The following LAMA2 variants were observed in gnomAD, a reference collection of about 807,000 sequenced individuals.
The protein encoded by LAMA2 is laminin subunit alpha-2.
In LAMA2, 269 loss-of-function variants were observed where a neutral mutation model predicts 364.8. That is an observed-to-expected ratio of 0.74 (90% confidence interval 0.67 to 0.82). The LOEUF (loss-of-function observed/expected upper bound fraction) is 0.82, where lower values mean the gene tolerates loss of function less well. LAMA2 is among the 40% of genes least tolerant of loss of function. The pLI, the probability that LAMA2 is intolerant of heterozygous loss-of-function variation, is 0.00. For synonymous variants in LAMA2, 1,379 were observed against 1,370.6 expected, an observed-to-expected ratio of 1.01 and a Z score of -0.14; for missense variants, 3,807 against 3,873.2, an observed-to-expected ratio of 0.98 and a Z score of 0.45.
At chr6:129,122,293 G>A (rs915110746) in intron 4 of LAMA2, among the ~76,000 whole-genome samples, 1 of 152,070 alleles carries the variant, frequency 6.6e-6, no homozygotes, top group Non-Finnish European at 1.5e-5. Context: ...CTTATTCCTT[G>A]TATACCAAAT....
intron 16 of LAMA2, among the ~76,000 whole-genome samples, chr6:129,268,389 G>T: frequency 6.6e-6 from 1 of 151,928 alleles, no homozygotes; most frequent in East Asian, 1.9e-4. Flanking sequence ...ACATGCAGTA[G>T]GAAATAATAC....
intron 12 of LAMA2, among the ~76,000 whole-genome samples, chr6:129,203,446 A>G (rs571715093): frequency 6.6e-6 from 1 of 152,254 alleles, no homozygotes; most frequent in Admixed American, 6.5e-5. Flanking sequence ...TCAATTCTAA[A>G]CCTGGCATTT....
chr6:129,505,666 G>A (rs1003163140), intron 61 of LAMA2, among the ~76,000 whole-genome samples: 8 of 151,896 alleles, frequency 5.3e-5, no homozygotes, highest in East Asian at 1.9e-4. Flanking sequence ...CTACCACCAC[G>A]CCTGGCTAAT....
chr6:129,059,983 G>T (rs1466639112), intron 3 of LAMA2, 87 bp downstream of exon 3: 1 of 767,148 alleles, frequency 1.3e-6, no homozygotes, highest in East Asian at 2.7e-5. Flanking sequence ...GTGGGTGAAA[G>T]GATACTCTTT....
intron 4 of LAMA2, among the ~76,000 whole-genome samples, chr6:129,135,142 A>G (rs1777709409): frequency 6.6e-6 from 1 of 152,232 alleles, no homozygotes; most frequent in African/African-American, 2.4e-5. Context: ...AGATCTGCAG[A>G]AAATCAAACA....
chr6:128,952,549 T>A (rs947260009), intron 1 of LAMA2, among the ~76,000 whole-genome samples: 3 of 152,154 alleles, frequency 2.0e-5, no homozygotes, highest in Non-Finnish European at 4.4e-5. Context: ...AAAGCTTGAT[T>A]GTTCAGAAAG....
chr6:129,391,459 C>G (rs1779314469), intron 35 of LAMA2, 32 bp from the exon 36 acceptor site: 5 of 1,571,138 alleles, frequency 3.2e-6, no homozygotes, highest in Non-Finnish European at 4.4e-6. Context: ...TGTTTGTTTA[C>G]TAATTTACAA....
At chr6:129,249,083 C>T (rs1785980206) in intron 12 of LAMA2, among the ~76,000 whole-genome samples, 1 of 152,150 alleles carries the variant, frequency 6.6e-6, no homozygotes, top group South Asian at 2.1e-4. Context: ...ATGTGCCATT[C>T]TCTGTGGAAC....
At chr6:129,092,540 A>G (rs890413636) in intron 3 of LAMA2, among the ~76,000 whole-genome samples, 3 of 152,236 alleles carry the variant, frequency 2.0e-5, no homozygotes, top group Non-Finnish European at 2.9e-5. Context: ...ATCACAGTAC[A>G]TGGAAATGTT....
intron 1 of LAMA2, among the ~76,000 whole-genome samples, chr6:128,971,373 C>CT (rs1782175320): frequency 6.6e-6 from 1 of 152,162 alleles, no homozygotes; most frequent in South Asian, 2.1e-4. Context: ...GAGATGAGTA[C>CT]TTTCGCAGAA....
intron 1 of LAMA2, among the ~76,000 whole-genome samples, chr6:129,016,404 AATAATATC>A (rs1785076424): frequency 6.6e-6 from 1 of 152,084 alleles, no homozygotes; most frequent in Non-Finnish European, 1.5e-5. Context: ...CAGCACTATT[AATAATATC>A]TAAAGCTGGA....
intron 1 of LAMA2, among the ~76,000 whole-genome samples, chr6:128,886,135 G>T (rs905462943): frequency 2.6e-5 from 4 of 152,132 alleles, no homozygotes; most frequent in African/African-American, 4.8e-5. Flanking sequence ...TGGCTTGATG[G>T]AAAATGTAAA....
chr6:129,282,465 T>C lies in LAMA2; in HGVS notation c.2537+2318T>C, dbSNP rs182771752. Among the ~76,000 whole-genome samples the C allele has an allele frequency of 2.6e-3, 402 of 152,220 alleles. 5 individuals are homozygous for C. Among genetic ancestry groups the C allele is most frequent in the South Asian group, 7.1e-3 (34 of 4,818 alleles). On this transcript the variant is annotated intron_variant, in intron 18 of 64. Coordinates refer to ENST00000421865, the MANE Select transcript of LAMA2 (RefSeq NM_000426.4). ...GAGCCCATTTCAAGTTGTTTTCTTC[T>C]CCTCTCTCCCAGCTAGAATCAAAGT... is the stretch of plus-strand genomic sequence containing the variant.
In LAMA2 at chr6:129,460,125, A is replaced by T. The variant is rs977577386; in HGVS notation, c.6868-75A>T. 188 of 1,389,590 alleles carry T rather than the reference A, an allele frequency of 1.4e-4. 1 individual carries two copies. Among genetic ancestry groups the T allele is most frequent in the Non-Finnish European group, 1.9e-4 (181 of 977,332 alleles). 86.1% of individuals were successfully genotyped at this position (1,389,590 alleles called of 1,614,324 possible). On this transcript the variant is annotated intron_variant, in intron 48 of 64. Coordinates refer to ENST00000421865, the MANE Select transcript of LAMA2 (RefSeq NM_000426.4). ...AATGATAACTTTAGTTTCTGCTGATAATAACTCTCATGGATAAACCAAGAT... is the reference window on the plus strand; with the variant it reads ...AATGATAACTTTAGTTTCTGCTGATTATAACTCTCATGGATAAACCAAGAT...
intron 3 of LAMA2, among the ~76,000 whole-genome samples, chr6:129,077,752 G>C (rs746376885): frequency 6.6e-6 from 1 of 151,994 alleles, no homozygotes; most frequent in Non-Finnish European, 1.5e-5. Flanking sequence ...ATTACCTTTC[G>C]ATATGTCAGA....
intron 1 of LAMA2, among the ~76,000 whole-genome samples, chr6:128,890,378 A>G (rs1252796064): frequency 1.3e-5 from 2 of 152,112 alleles, no homozygotes; most frequent in African/African-American, 4.8e-5. Context: ...GATGCTAACT[A>G]TCACCTCTTT....
intron 62 of LAMA2, among the ~76,000 whole-genome samples, chr6:129,511,831 A>G (rs763305069): frequency 1.3e-5 from 2 of 152,148 alleles, no homozygotes; most frequent in Admixed American, 6.5e-5. Context: ...TCAACATTGT[A>G]CTTACAGTTT....
At chr6:129,399,409 T>G (rs1320433961) in intron 37 of LAMA2, among the ~76,000 whole-genome samples, 1 of 152,220 alleles carries the variant, frequency 6.6e-6, no homozygotes, top group Non-Finnish European at 1.5e-5. Flanking sequence ...GATTATGCAT[T>G]TCTAATGAGC....
intron 9 of LAMA2, among the ~76,000 whole-genome samples, chr6:129,175,831 A>T (rs956182030): frequency 7.2e-5 from 11 of 152,118 alleles, no homozygotes; most frequent in African/African-American, 2.7e-4. Context: ...TCCAGAACTT[A>T]AAGTATAATA....
Sources: gnomAD v4.1 joint callset for allele counts (sites outside exome capture counted in the v4.1 genomes callset) on GRCh38, gnomAD v4.1.1 for gene constraint, MANE v1.5 for transcripts, NCBI Gene and HGNC (gene_info 2026-07-23, HGNC 2026-07-21) for gene names.